HSD17B12: variants seen among roughly 807,000 people sequenced by gnomAD.
HSD17B12 encodes the protein hydroxysteroid 17-beta dehydrogenase 12.
In HSD17B12, 32 loss-of-function variants were observed where a neutral mutation model predicts 39.3. The observed-to-expected ratio is 0.81, with a 90% confidence interval of 0.61 to 1.09. HSD17B12 has a LOEUF of 1.09. Among genes scored for constraint, HSD17B12 ranks in the 50% least tolerant of loss-of-function variants. HSD17B12 has a pLI of 0.00. For synonymous variants in HSD17B12, 150 were observed against 146.7 expected, an observed-to-expected ratio of 1.02 and a Z score of -0.16; for missense variants, 342 against 382.9, an observed-to-expected ratio of 0.89 and a Z score of 0.89.
At chr11:43,608,896 A>G in the HSD17B12 span, among the ~76,000 whole-genome samples, 1 of 152,168 alleles carries the variant, frequency 6.6e-6, no homozygotes, top group Non-Finnish European at 1.5e-5. Context: ...TCTGAGGTTT[A>G]GAATCTCAAA....
At chr11:43,839,002 A>G (rs1483131287) in intron 8 of HSD17B12, among the ~76,000 whole-genome samples, 1 of 152,126 alleles carries the variant, frequency 6.6e-6, no homozygotes, top group Non-Finnish European at 1.5e-5. Context: ...CTGATAGGAA[A>G]GTAATTTAGA....
chr11:43,761,430 AT>A (rs1950554192), intron 3 of HSD17B12, among the ~76,000 whole-genome samples: 1 of 152,194 alleles, frequency 6.6e-6, no homozygotes, highest in Non-Finnish European at 1.5e-5. Context: ...TTATCTAATG[AT>A]TTACCAGTTT....
chr11:43,668,083 T>C, the HSD17B12 span, among the ~76,000 whole-genome samples: 2 of 152,126 alleles, frequency 1.3e-5, no homozygotes, highest in South Asian at 2.1e-4. Flanking sequence ...CACACACACA[T>C]ACAATTAGTT....
chr11:43,724,219 CTGTGTGTGTGTGTGTGTGTGTGTGTGTG>C (rs56033566), intron 1 of HSD17B12: 2 of 138,864 alleles, frequency 1.4e-5, no homozygotes, highest in Non-Finnish European at 3.1e-5. Flanking sequence ...TGTGTATGCT[CTGTGTGTGTGTGTGTGTGTGTGTGTGTG>C]TGTGTGTGTG....
chr11:43,759,451 A>G (rs1950538334), intron 3 of HSD17B12, among the ~76,000 whole-genome samples: 1 of 152,196 alleles, frequency 6.6e-6, no homozygotes, highest in South Asian at 2.1e-4. Flanking sequence ...TTTAATTAAG[A>G]CAAGCTGAAA....
the HSD17B12 span, among the ~76,000 whole-genome samples, chr11:43,591,101 C>G: frequency 1.3e-5 from 2 of 151,886 alleles, no homozygotes; most frequent in African/African-American, 4.8e-5. Flanking sequence ...GAAAAGTTTC[C>G]CCCCAGTGAA....
In HSD17B12 at chr11:43,774,717, A is replaced by T. The variant is rs143421418; in HGVS notation, c.283+20596A>T. 6.5e-3 allele frequency among the ~76,000 whole-genome samples: 997 copies of T among 152,290 alleles called. 17 individuals carry two copies. Among genetic ancestry groups the T allele is most frequent in the African/African-American group, 0.023 (936 of 41,550 alleles). On this transcript the variant is annotated intron_variant, in intron 3 of 10. Coordinates refer to ENST00000278353, the MANE Select transcript of HSD17B12 (RefSeq NM_016142.3). ...CCCCTTTGAGATTGGTACTTATATT[A>T]TTCTCATTTGAGACATGATCCAAGT...
At chr11:43,671,318 T>G in the HSD17B12 span, among the ~76,000 whole-genome samples, 5 of 152,230 alleles carry the variant, frequency 3.3e-5, no homozygotes, top group African/African-American at 1.2e-4. Flanking sequence ...TAGCTGGGAT[T>G]ACAGGCTTGT....
intron 6 of HSD17B12, chr11:43,829,694 C>T (rs943028455): frequency 3.9e-5 from 6 of 152,138 alleles, no homozygotes; most frequent in African/African-American, 1.2e-4. Context: ...CGCACACACA[C>T]AGACACACAT....
chr11:43,561,539 G>T, the HSD17B12 span, among the ~76,000 whole-genome samples: 1 of 152,190 alleles, frequency 6.6e-6, no homozygotes, highest in Non-Finnish European at 1.5e-5. Context: ...AAATAAAATA[G>T]CATTAAAAAT....
chr11:43,769,668 T>C (rs1184242154), intron 3 of HSD17B12, among the ~76,000 whole-genome samples: 3 of 152,246 alleles, frequency 2.0e-5, no homozygotes, highest in Non-Finnish European at 4.4e-5. Flanking sequence ...TGTTTTTGAC[T>C]TCTATTTCTG....
chr11:43,832,254 G>T (rs1416446766), intron 7 of HSD17B12, among the ~76,000 whole-genome samples: 1 of 152,118 alleles, frequency 6.6e-6, no homozygotes, highest in East Asian at 1.9e-4. Context: ...TTAAATTTGG[G>T]CCATCACCTT....
intron 1 of HSD17B12, among the ~76,000 whole-genome samples, chr11:43,720,060 T>A (rs971214958): frequency 6.6e-6 from 1 of 152,222 alleles, no homozygotes; most frequent in African/African-American, 2.4e-5. Context: ...TCGAAGTCCC[T>A]TTGTATAGAT....
At chr11:43,606,434 T>C in the HSD17B12 span, among the ~76,000 whole-genome samples, 1 of 152,232 alleles carries the variant, frequency 6.6e-6, no homozygotes, top group South Asian at 2.1e-4. Context: ...TAGCTGAGGA[T>C]CTCAGGGGAA....
At chr11:43,613,300 G>A in the HSD17B12 span, among the ~76,000 whole-genome samples, 1 of 151,970 alleles carries the variant, frequency 6.6e-6, no homozygotes, top group South Asian at 2.1e-4. Context: ...GCTGAGGTAT[G>A]GAAACTGCTT....
the HSD17B12 span, among the ~76,000 whole-genome samples, chr11:43,572,992 G>A: frequency 2.0e-5 from 3 of 152,184 alleles, no homozygotes; most frequent in Non-Finnish European, 4.4e-5. Flanking sequence ...GTCGACGCAG[G>A]CAGGAGTTTC....
the HSD17B12 span, among the ~76,000 whole-genome samples, chr11:43,557,951 G>A: frequency 4.6e-4 from 70 of 152,262 alleles, no homozygotes; most frequent in East Asian, 7.7e-4. Flanking sequence ...CGTTCTATGA[G>A]GTCAGAGATC....
chr11:43,711,144 A>G (rs1290390928), intron 1 of HSD17B12, among the ~76,000 whole-genome samples: 1 of 151,870 alleles, frequency 6.6e-6, no homozygotes, highest in Non-Finnish European at 1.5e-5. Context: ...GTTCTTAGAA[A>G]CTCTTTGAAA....
chr11:43,763,603 A>T (rs1448797900), intron 3 of HSD17B12, among the ~76,000 whole-genome samples: 1 of 135,876 alleles, frequency 7.4e-6, no homozygotes, highest in Non-Finnish European at 1.6e-5. Flanking sequence ...TATATATATA[A>T]GGTTATCTTA....
Sources: allele counts gnomAD v4.1 joint callset (sites outside exome capture counted in the v4.1 genomes callset), GRCh38; gene constraint gnomAD v4.1.1; transcripts MANE v1.5; gene names NCBI Gene and HGNC (gene_info 2026-07-23, HGNC 2026-07-21).